The following PRKD2 variants were observed in gnomAD, a reference collection of about 807,000 sequenced individuals.
The protein encoded by PRKD2 is serine/threonine-protein kinase D2.
A neutral mutation model predicts 86.0 loss-of-function variants in PRKD2; 22 were observed. The ratio of observed to expected loss-of-function variants is 0.26; its 90% CI spans 0.18 to 0.37. PRKD2 has a LOEUF of 0.37. Ranked by LOEUF, PRKD2 falls within the 10% of genes least tolerant of loss-of-function variation. The pLI is 1.00. For missense variants in PRKD2, 818 were observed against 1,199.2 expected (o/e 0.68, Z 4.70); for synonymous variants, 509 against 510.9 (o/e 1.00, Z 0.05).
At chr19:46,690,560 G>T in intron 13 of PRKD2, 40 bp downstream of exon 13, 1 of 1,594,612 alleles carries the variant, frequency 6.3e-7, no homozygotes, top group South Asian at 1.1e-5. Context: ...GCTGGCCCAT[G>T]AAAGGAAGAA....
chr19:46,691,124 C>T (rs1375305596), intron 12 of PRKD2, among the ~76,000 whole-genome samples: 2 of 152,040 alleles, frequency 1.3e-5, no homozygotes, highest in African/African-American at 2.4e-5. Context: ...CTATTGAACT[C>T]TAGGATCTAG....
In PRKD2 at chr19:46,681,900, G is replaced by C. The variant is rs921876587; in HGVS notation, c.1972-152C>G. 1.3e-5 allele frequency: 7 copies of C among 556,194 alleles called. No homozygotes were observed. The African/African-American group carries it at 1.3e-4, about 11-fold the overall frequency. The allele number at this position is 556,194 out of a possible 1,614,324, so 34.5% of individuals were successfully genotyped here. A position where few individuals can be genotyped will look rare whatever the true frequency, so the allele number is the denominator to read the frequency against. ...TGTAGCCCAGGCTGGAAGTGCAGTG[G>C]CATGATCTCAGCTCACTGCAACCCC... On this transcript the variant is annotated intron_variant, in intron 14 of 17. Coordinates refer to ENST00000291281, the MANE Select transcript of PRKD2 (RefSeq NM_016457.5).
At chr19:46,702,296 T>TC (rs1229041213) in intron 5 of PRKD2, among the ~76,000 whole-genome samples, 11 of 152,070 alleles carry the variant, frequency 7.2e-5, no homozygotes, top group African/African-American at 2.7e-4. Flanking sequence ...CACCTAAGCC[T>TC]CCCAAAGTGC....
chr19:46,675,952 TAG>T (rs2053195047), intron 16 of PRKD2, among the ~76,000 whole-genome samples: 1 of 151,892 alleles, frequency 6.6e-6, no homozygotes, highest in Non-Finnish European at 1.5e-5. Flanking sequence ...GTATTTTTTG[TAG>T]AGATACATTG....
At chr19:46,686,328 C>T (rs180714075) in intron 14 of PRKD2, 1 of 151,824 alleles carries the variant, frequency 6.6e-6, no homozygotes, top group Non-Finnish European at 1.5e-5. Context: ...AAGACCCTGT[C>T]TCTACAAAAA....
Position 46,693,715 on chromosome 19 carries a change from A to C in PRKD2, c.1576+160T>G, listed in dbSNP as rs1285616501. 1.3e-5 allele frequency among the ~76,000 whole-genome samples: 2 copies of C among 152,192 alleles called. No homozygotes were observed. Among genetic ancestry groups the C allele is most frequent in the African/African-American group, 4.8e-5 (2 of 41,452 alleles). ...GGCTTCCCAAAGCGCTGGGATTAACAGGAGTGATTAACAGAGTTTGAACCC... is the reference window on the plus strand; with the variant it reads ...GGCTTCCCAAAGCGCTGGGATTAACCGGAGTGATTAACAGAGTTTGAACCC... On this transcript the variant is annotated intron_variant, in intron 10 of 17. Coordinates refer to ENST00000291281, the MANE Select transcript of PRKD2 (RefSeq NM_016457.5). The surrounding 1 kb of genome is among the most constrained non-coding windows in gnomAD (Gnocchi z 4.5).
At chr19:46,712,983 G>A (rs556221092) in intron 2 of PRKD2, among the ~76,000 whole-genome samples, 1 of 152,104 alleles carries the variant, frequency 6.6e-6, no homozygotes, top group Admixed American at 6.6e-5. Flanking sequence ...TTCGTGGCAG[G>A]AGCCATGGAC....
rs1216994712 is a variant in PRKD2 at position 46,689,710 on chromosome 19, G to A, written c.1810-12C>T. ...GGATGCCGCAGGCTCTGCAGGGTGGGGAGCGGGGTCAGGGCCCAGGTAACC... is the reference window on the plus strand; with the variant it reads ...GGATGCCGCAGGCTCTGCAGGGTGGAGAGCGGGGTCAGGGCCCAGGTAACC... On this transcript the variant is annotated splice_polypyrimidine_tract_variant and intron_variant, in intron 13 of 17. Coordinates refer to ENST00000291281, the MANE Select transcript of PRKD2 (RefSeq NM_016457.5). 1.2e-6 allele frequency: 2 copies of A among 1,613,884 alleles called. No homozygotes were observed. Among genetic ancestry groups the A allele is most frequent in the African/African-American group, 2.7e-5 (2 of 75,050 alleles).
chr19:46,710,655 G>T, intron 3 of PRKD2: 12 of 428,110 alleles, frequency 2.8e-5, no homozygotes, highest in African/African-American at 4.0e-5. Flanking sequence ...CTGTTCTTAA[G>T]CCCCTACTTG....
intron 2 of PRKD2, among the ~76,000 whole-genome samples, chr19:46,712,808 A>G (rs1294390428): frequency 2.0e-5 from 3 of 152,326 alleles, no homozygotes; most frequent in African/African-American, 7.2e-5. Flanking sequence ...ACCAAGGGCC[A>G]TAGACTGCTC....
intron 16 of PRKD2, among the ~76,000 whole-genome samples, chr19:46,677,624 G>A (rs181933581): frequency 2.0e-5 from 3 of 152,176 alleles, no homozygotes; most frequent in Admixed American, 2.0e-4. Flanking sequence ...TTCCAAGCAG[G>A]GAAAGTTACA....
At chr19:46,694,772 T>C (rs1402226421) in intron 9 of PRKD2, among the ~76,000 whole-genome samples, 2 of 151,872 alleles carry the variant, frequency 1.3e-5, no homozygotes, top group Non-Finnish European at 2.9e-5. Flanking sequence ...CTGGACATAG[T>C]AAAAGCTTGA....
At chr19:46,714,152 C>T in intron 1 of PRKD2, 151 bp from the exon 2 acceptor site, 1 of 1,349,888 alleles carries the variant, frequency 7.4e-7, no homozygotes, top group Non-Finnish European at 9.6e-7. Flanking sequence ...CCCCTCCCAA[C>T]CCCAGCGCGA....
chr19:46,689,818 T>G (rs2053457800), intron 13 of PRKD2, 120 bp from the exon 14 acceptor site: 1 of 1,197,076 alleles, frequency 8.4e-7, no homozygotes. Context: ...GTATTGGCAC[T>G]TGGAGAGGGA....
At chr19:46,691,858 G>A (rs373722036) in intron 11 of PRKD2, 51 bp from the exon 12 acceptor site, 2 of 1,611,394 alleles carry the variant, frequency 1.2e-6, no homozygotes, top group Admixed American at 1.7e-5. Context: ...AATGGGGAAG[G>A]GGGAGTCAAG....
At chr19:46,713,351 A>G (rs2053835682) in intron 2 of PRKD2, among the ~76,000 whole-genome samples, 1 of 151,694 alleles carries the variant, frequency 6.6e-6, no homozygotes. Flanking sequence ...ATATTTAAGC[A>G]TAACACAGTC....
chr19:46,682,490 C>T (rs1410720469), intron 14 of PRKD2, among the ~76,000 whole-genome samples: 1 of 152,058 alleles, frequency 6.6e-6, no homozygotes, highest in East Asian at 1.9e-4. Context: ...CCCCTGCAGA[C>T]ACCCCAGCCA....
intron 15 of PRKD2, among the ~76,000 whole-genome samples, chr19:46,681,208 G>C (rs1047624632): frequency 6.7e-6 from 1 of 149,556 alleles, no homozygotes; most frequent in Non-Finnish European, 1.5e-5. Context: ...TGCCCGCCTC[G>C]GCCTCCCAAA....
At position 46,711,035 on chromosome 19, in the gene PRKD2, G is replaced by A. The variant is rs938146133; in HGVS notation, c.383C>T (p.Ser128Leu). 4 of 1,581,280 alleles carry A rather than the reference G, an allele frequency of 2.5e-6. No homozygotes were observed. Among genetic ancestry groups the A allele is most frequent in the South Asian group, 1.2e-5 (1 of 86,406 alleles). The change falls in exon 3 of 18, where the codon TCG (serine) becomes TTG (leucine). Residue 128 changes from serine (S) to leucine (L), a missense_variant. Ser to Leu is a moderately radical substitution (Grantham distance 145). This residue lies in a region of PRKD2 where 403 missense variants were observed against 518.6 expected (regional missense o/e 0.78). Transcript: ENST00000291281. ...GATCTGGAAGTCCTCGAAGGTGGCCGAGGCTGTAGGCGGAAAATAGGGGTG... is the reference window on the plus strand; with the variant it reads ...GATCTGGAAGTCCTCGAAGGTGGCCAAGGCTGTAGGCGGAAAATAGGGGTG... ...GDLVEVVLSA[S>L]ATFEDFQIRP... is the part of the protein sequence containing the mutation.
Sources: gnomAD v4.1 joint callset for allele counts (sites outside exome capture counted in the v4.1 genomes callset) on GRCh38, gnomAD v4.1.1 for gene constraint, gnomAD v4.1.1 regional missense constraint, Gnocchi (gnomAD v3.1) non-coding constraint, MANE v1.5 for transcripts, NCBI Gene and HGNC (gene_info 2026-07-23, HGNC 2026-07-21) for gene names.